RAB3GAP2: variants seen among roughly 807,000 people sequenced by gnomAD.
The protein encoded by RAB3GAP2 is RAB3 GTPase activating non-catalytic protein subunit 2.
Under a neutral mutation model 185.3 loss-of-function variants are expected in RAB3GAP2, and 87 were observed. The observed-to-expected ratio is 0.47, with a 90% CI of 0.39 to 0.56. The LOEUF is 0.56. Among genes scored for constraint, RAB3GAP2 ranks in the 20% least tolerant of loss-of-function variants. The pLI is 0.00. For missense variants in RAB3GAP2, 1,492 were observed against 1,638.2 expected, an observed-to-expected ratio of 0.91 and a Z score of 1.54; for synonymous variants, 554 against 576.1, an observed-to-expected ratio of 0.96 and a Z score of 0.55.
Position 220,213,969 on chromosome 1 carries a change from CCTT to C in RAB3GAP2, c.188_190del (p.Glu63del), listed in dbSNP as rs1558158210. 3 of 1,613,098 alleles carry C rather than the reference CCTT, an allele frequency of 1.9e-6. No individual in the cohort carries two copies. The highest frequency in any genetic ancestry group is 1.1e-5 in the South Asian group (1 of 91,036). ...AGTTTTTTGTGTTTTGCAAGTATTTCCTTCTTCTTCCTGTGGGTAAAACTACAA... is the reference window on the plus strand; with the variant it reads ...AGTTTTTTGTGTTTTGCAAGTATTTCCTTCTTCCTGTGGGTAAAACTACAA... On this transcript the variant is annotated inframe_deletion, in exon 3 of 35. Coordinates refer to ENST00000358951, the MANE Select transcript of RAB3GAP2 (RefSeq NM_012414.4).
chr1:220,267,467 T>C (rs1660249462), intron 1 of RAB3GAP2: 1 of 1,404,576 alleles, frequency 7.1e-7, no homozygotes, highest in African/African-American at 1.4e-5. Flanking sequence ...TGTTTTTCTC[T>C]TGCCAAATAA....
At chr1:220,167,185 G>T in intron 26 of RAB3GAP2, 108 bp downstream of exon 26, 2 of 985,386 alleles carry the variant, frequency 2.0e-6, no homozygotes, top group Non-Finnish European at 1.6e-6. Context: ...CATTACAACG[G>T]GGAAAAAGCC....
chr1:220,256,268 A>G (rs2102527824), intron 1 of RAB3GAP2, among the ~76,000 whole-genome samples: 1 of 152,284 alleles, frequency 6.6e-6, no homozygotes, highest in South Asian at 2.1e-4. Flanking sequence ...ACTAAATATG[A>G]AAATAAAAAA....
At chr1:220,186,820 G>C (rs976125362) in intron 17 of RAB3GAP2, among the ~76,000 whole-genome samples, 1 of 152,026 alleles carries the variant, frequency 6.6e-6, no homozygotes, top group African/African-American at 2.4e-5. Context: ...CAATTTTGTT[G>C]TTCTATGATT....
intron 17 of RAB3GAP2, among the ~76,000 whole-genome samples, chr1:220,188,911 G>A (rs1215675239): frequency 6.6e-6 from 1 of 152,068 alleles, no homozygotes; most frequent in Non-Finnish European, 1.5e-5. Flanking sequence ...ACATAATCCT[G>A]AAGGAAAAAC....
chr1:220,181,278 T>C (rs1327432788), intron 21 of RAB3GAP2, among the ~76,000 whole-genome samples: 1 of 152,132 alleles, frequency 6.6e-6, no homozygotes, highest in Non-Finnish European at 1.5e-5. Flanking sequence ...CATGCCACCA[T>C]GCCTGGCTAA....
intron 21 of RAB3GAP2, among the ~76,000 whole-genome samples, chr1:220,178,294 G>A (rs1658334415): frequency 6.6e-6 from 1 of 152,112 alleles, no homozygotes; most frequent in South Asian, 2.1e-4. Context: ...TAAGAAATGT[G>A]TGATTTCTTA....
intron 2 of RAB3GAP2, among the ~76,000 whole-genome samples, chr1:220,226,493 G>T (rs115983629): frequency 0.011 from 1,719 of 151,128 alleles, 35 homozygotes; most frequent in African/African-American, 0.037. Flanking sequence ...GTCAGCAGAT[G>T]GCATCTACCT....
At chr1:220,186,562 C>T (rs1047644757) in intron 17 of RAB3GAP2, among the ~76,000 whole-genome samples, 6 of 152,132 alleles carry the variant, frequency 3.9e-5, no homozygotes, top group African/African-American at 1.4e-4. Flanking sequence ...CCAGGACAAG[C>T]ATAACCTGCT....
rs1399777702 is a variant in RAB3GAP2 at position 220,149,544 on chromosome 1, C to CTCTT, written c.*1703_*1706dup. 6.6e-6 allele frequency: 1 copy of CTCTT among 150,402 alleles called. No homozygotes were observed. The highest frequency in any genetic ancestry group is 1.5e-5 in the Non-Finnish European group (1 of 66,888). 9.3% of individuals were successfully genotyped at this position (150,402 alleles called of 1,614,324 possible). A position where few individuals can be genotyped will look rare whatever the true frequency, so the allele number is the denominator to read the frequency against. On this transcript the variant is annotated 3_prime_UTR_variant, in exon 35 of 35. Coordinates refer to ENST00000358951, the MANE Select transcript of RAB3GAP2 (RefSeq NM_012414.4). ...TGGAAAAATCACAGGAAGAACTAAT[C>CTCTT]TCTTAGAAAACATATAACAAGTGAC...
intron 2 of RAB3GAP2, among the ~76,000 whole-genome samples, chr1:220,222,283 A>T (rs1659323161): frequency 6.6e-6 from 1 of 152,122 alleles, no homozygotes; most frequent in Admixed American, 6.5e-5. Context: ...TTTTTTAGAT[A>T]GCAGAACTTT....
At chr1:220,227,229 A>T (rs190293211) in intron 2 of RAB3GAP2, among the ~76,000 whole-genome samples, 14 of 152,344 alleles carry the variant, frequency 9.2e-5, no homozygotes, top group Admixed American at 8.5e-4. Flanking sequence ...AGTGTCATAG[A>T]TGTACACTTC....
At chr1:220,182,205 C>T in intron 21 of RAB3GAP2, 52 bp downstream of exon 21, 1 of 1,612,032 alleles carries the variant, frequency 6.2e-7, no homozygotes, top group South Asian at 1.1e-5. Context: ...ACTGACACTT[C>T]TGGGTGACAT....
intron 1 of RAB3GAP2, among the ~76,000 whole-genome samples, chr1:220,239,494 G>C (rs530278082): frequency 6.6e-6 from 1 of 152,280 alleles, no homozygotes; most frequent in South Asian, 2.1e-4. Context: ...GCCTCCCAAA[G>C]TGCTGGGATT....
intron 19 of RAB3GAP2, 41 bp downstream of exon 19, chr1:220,183,995 A>G (rs752398740): frequency 7.2e-7 from 1 of 1,388,560 alleles, no homozygotes; most frequent in Non-Finnish European, 9.7e-7. Context: ...AAACTAATCA[A>G]AGAGATTATT....
chr1:220,185,000 C>T (rs1032923292), intron 18 of RAB3GAP2, among the ~76,000 whole-genome samples: 1 of 152,022 alleles, frequency 6.6e-6, no homozygotes, highest in Non-Finnish European at 1.5e-5. Context: ...CTGTCTTACA[C>T]ACAACTAAAA....
rs144128924 is a variant in RAB3GAP2 at position 220,171,088 on chromosome 1, C to T, written c.2610G>A (p.Glu870=). 7 of 1,614,010 alleles carry T rather than the reference C, an allele frequency of 4.3e-6. No homozygotes were observed. The highest frequency in any genetic ancestry group is 1.3e-5 in the African/African-American group (1 of 74,914). The change falls in exon 24 of 35, where the codon GAG becomes GAA. Residue 870 remains glutamate, a synonymous_variant. Coordinates refer to ENST00000358951, the MANE Select transcript of RAB3GAP2 (RefSeq NM_012414.4). ...GTGCCTCCCAGGAATCAGTGAGGGC[C>T]TCTGAATCAGCACCCAAAACTGTTT... ...FSQTVLGADS[E]ALTDSWEALS... is the part of the protein sequence containing the mutation.
intron 1 of RAB3GAP2, among the ~76,000 whole-genome samples, chr1:220,257,161 G>A (rs1660046337): frequency 1.3e-5 from 2 of 152,154 alleles, no homozygotes; most frequent in South Asian, 2.1e-4. Context: ...GGCGGATCAC[G>A]AGGTCAGGAG....
chr1:220,232,368 T>A (rs910438526), intron 2 of RAB3GAP2, among the ~76,000 whole-genome samples: 1 of 152,212 alleles, frequency 6.6e-6, no homozygotes, highest in Non-Finnish European at 1.5e-5. Flanking sequence ...GGTTCCTTAT[T>A]GTGGGAGTGA....
Sources: gnomAD v4.1 joint callset for allele counts (sites outside exome capture counted in the v4.1 genomes callset) on GRCh38, gnomAD v4.1.1 for gene constraint, MANE v1.5 for transcripts, NCBI Gene and HGNC (gene_info 2026-07-23, HGNC 2026-07-21) for gene names.